The following CHD8 variants were observed in gnomAD, a reference collection of about 807,000 sequenced individuals.
CHD8 encodes ATP-dependent chromatin remodeler CHD8.
In CHD8, 31 loss-of-function variants were observed where a neutral mutation model predicts 279.2. The ratio of observed to expected loss-of-function variants is 0.11; its 90% CI spans 0.08 to 0.15. The LOEUF (loss-of-function observed/expected upper bound fraction) is 0.15. Ranked by LOEUF, CHD8 falls within the 10% of genes least tolerant of loss-of-function variation. The pLI is 1.00. For missense variants in CHD8, 2,146 were observed against 3,230.5 expected, an observed-to-expected ratio of 0.66 and a Z score of 8.14; for synonymous variants, 1,081 against 1,139.6, an observed-to-expected ratio of 0.95 and a Z score of 1.04.
At chr14:21,417,352 G>A (rs912163427) in intron 5 of CHD8, among the ~76,000 whole-genome samples, 2 of 152,080 alleles carry the variant, frequency 1.3e-5, no homozygotes, top group African/African-American at 4.8e-5. Flanking sequence ...AAAACCTAAA[G>A]GCCCATCAAC....
At chr14:21,424,411 T>C (rs1889205444) in intron 5 of CHD8, among the ~76,000 whole-genome samples, 1 of 152,214 alleles carries the variant, frequency 6.6e-6, no homozygotes, top group South Asian at 2.1e-4. Context: ...TTTCATAATA[T>C]ATTCTAAAAT....
At chr14:21,430,508 A>G (rs1262636609) in intron 2 of CHD8, 3 of 306,284 alleles carry the variant, frequency 9.8e-6, no homozygotes, top group East Asian at 5.6e-5. Flanking sequence ...CTCTTGCTTA[A>G]TATCTGTCTT....
chr14:21,402,992 T>C lies in CHD8; in HGVS notation c.3714+25A>G. The C allele has an allele frequency of 1.3e-6, 2 of 1,577,724 alleles. No homozygotes were observed. The highest frequency in any genetic ancestry group is 1.1e-5 in the South Asian group (1 of 89,306). ...AAAATCTCCCAAGTTAGGTAGTTAG[T>C]CCCTAAGACAATGAATTCCTTTACC... On this transcript the variant is annotated intron_variant, in intron 18 of 37. Transcript: ENST00000646647. The surrounding 1 kb of genome is among the most constrained non-coding windows in gnomAD (Gnocchi z 4.5).
chr14:21,399,680 C>G lies in CHD8; in HGVS notation c.4843G>C (p.Val1615Leu). The G allele has an allele frequency of 1.2e-6, 2 of 1,613,330 alleles. No homozygotes were observed. ...ASEIDIWFPV[V>L]DQLEVPTTWW... is the part of the protein sequence containing the mutation. Reference sequence around the variant, plus strand: ...GTTGTTGGAACCTCCAGTTGATCCACTACTGGGAACCATATGTCAATCTCA... The same window carrying G: ...GTTGTTGGAACCTCCAGTTGATCCAGTACTGGGAACCATATGTCAATCTCA... The change falls in exon 26 of 38, where the codon GTG becomes CTG. Residue 1615 changes from valine (V) to leucine (L), a missense_variant. Around this residue, in one of 26 missense-constraint regions of CHD8, gnomAD observed 33 missense variants for 34.8 expected, o/e 0.95. Transcript: ENST00000646647.
chr14:21,430,545 G>A, intron 2 of CHD8: 1 of 426,246 alleles, frequency 2.3e-6, no homozygotes, highest in East Asian at 3.9e-5. Context: ...GCTCTGTAAG[G>A]ACAGGGACTG....
Position 21,415,747 on chromosome 14 carries a change from A to G in CHD8, c.1877T>C (p.Leu626Ser). The change falls in exon 6 of 38, where the codon TTG becomes TCG. Residue 626 changes from leucine (L) to serine (S), a missense_variant. Physicochemically the swap from Leu to Ser is moderately radical, Grantham distance 145. This residue lies in a region of CHD8 where 24 missense variants were observed against 56.7 expected (regional missense o/e 0.42). Coordinates refer to ENST00000646647, the MANE Select transcript of CHD8 (RefSeq NM_001170629.2). ...TACCACAAAGAACTGCATGGAAGGCAAAGTCTCGCCATCTGGTTCTTGCAC... is the reference window on the plus strand; with the variant it reads ...TACCACAAAGAACTGCATGGAAGGCGAAGTCTCGCCATCTGGTTCTTGCAC... ...EPVQEPDGET[L>S]PSMQFFVENP... The G allele has an allele frequency of 1.2e-6, 2 of 1,613,894 alleles. No homozygotes were observed. Among genetic ancestry groups the G allele is most frequent in the Non-Finnish European group, 1.7e-6 (2 of 1,179,816 alleles).
chr14:21,392,812 G>A lies in CHD8; in HGVS notation c.6469-3C>T. 6.2e-7 allele frequency: 1 copy of A among 1,613,138 alleles called. No individual in the cohort carries two copies. The highest frequency in any genetic ancestry group is 8.5e-7 in the Non-Finnish European group (1 of 1,179,342). Reference sequence around the variant, plus strand: ...ATACGGTTTATCAGGACACGATCCTGAATGGGGAAAGAAAGAAATACCATT... The same window carrying A: ...ATACGGTTTATCAGGACACGATCCTAAATGGGGAAAGAAAGAAATACCATT... On this transcript the variant is annotated splice_polypyrimidine_tract_variant and splice_region_variant and intron_variant, in intron 33 of 37. Coordinates refer to ENST00000646647, the MANE Select transcript of CHD8 (RefSeq NM_001170629.2).
At chr14:21,399,179 C>A in intron 26 of CHD8, 1 of 285,916 alleles carries the variant, frequency 3.5e-6, no homozygotes, top group South Asian at 3.5e-5. Context: ...TCTGCCTACT[C>A]ACCCAGAAAT....
intron 26 of CHD8, 44 bp downstream of exon 26, chr14:21,399,558 T>C (rs1887940965): frequency 1.4e-6 from 2 of 1,379,716 alleles, no homozygotes; most frequent in African/African-American, 1.4e-5. Context: ...TCCGTGAACA[T>C]AAATCTTCAG....
In CHD8 at chr14:21,385,800, G is replaced by A; in HGVS notation, c.7559C>T (p.Pro2520Leu). The change falls in exon 38 of 38, where the codon CCA (proline) becomes CTA (leucine). Residue 2520 changes from proline (P) to leucine (L), a missense_variant. By Grantham distance (98) the Pro-to-Leu change is moderately conservative (BLOSUM62 -3). Transcript: ENST00000646647. The stretch of plus-strand genomic sequence containing the variant: ...GGTAGTACCAGAGGCGGTAGTCACT[G>A]GTGAAGAGGGGTAGCCAGGGGCTCT... ...GLRAPGYPSSPVTTASGTTLR... is the reference protein window; with the variant it reads ...GLRAPGYPSSLVTTASGTTLR... The A allele has an allele frequency of 1.3e-6, 2 of 1,550,730 alleles. No homozygotes were observed. The highest frequency in any genetic ancestry group is 1.7e-6 in the Non-Finnish European group (2 of 1,146,756).
In CHD8 at chr14:21,397,925, G is replaced by A. The variant is rs1887859477; in HGVS notation, c.4949C>T (p.Ala1650Val). 7 of 1,610,180 alleles carry A rather than the reference G, an allele frequency of 4.3e-6. No homozygotes were observed. The highest frequency in any genetic ancestry group is 1.3e-5 in the African/African-American group (1 of 74,892). ...TTCTAGGAAACATAAGGCTGGGTCT[G>A]CCCTCATGGTATTATATTTCTCATA... ...HGYEKYNTMR[A>V]DPALCFLEKA... The change falls in exon 27 of 38, where the codon GCA (alanine) becomes GTA (valine). Residue 1650 changes from alanine (A) to valine (V), a missense_variant. Ala to Val is a moderately conservative substitution (Grantham distance 64, BLOSUM62 0). Around this residue, in one of 26 missense-constraint regions of CHD8, gnomAD observed 13 missense variants for 48.7 expected, o/e 0.27. Coordinates refer to ENST00000646647, the MANE Select transcript of CHD8 (RefSeq NM_001170629.2).
intron 1 of CHD8, among the ~76,000 whole-genome samples, chr14:21,453,355 G>A (rs538230377): frequency 6.6e-6 from 1 of 151,942 alleles, no homozygotes; most frequent in East Asian, 1.9e-4. Context: ...AGTGTACAAC[G>A]TCAGTGAATT....
chr14:21,424,229 A>G (rs1309530543), intron 5 of CHD8, among the ~76,000 whole-genome samples: 1 of 152,156 alleles, frequency 6.6e-6, no homozygotes, highest in Non-Finnish European at 1.5e-5. Context: ...CTTTTCCTAA[A>G]TGGTTAGCCA....
chr14:21,405,483 A>G lies in CHD8; in HGVS notation c.3052-19T>C, dbSNP rs1177534983. The G allele has an allele frequency of 1.9e-6, 3 of 1,593,606 alleles. No individual in the cohort carries two copies. Among genetic ancestry groups the G allele is most frequent in the Non-Finnish European group, 2.6e-6 (3 of 1,169,936 alleles). On this transcript the variant is annotated intron_variant, in intron 15 of 37. Coordinates refer to ENST00000646647, the MANE Select transcript of CHD8 (RefSeq NM_001170629.2). The surrounding 1 kb of genome is among the most constrained non-coding windows in gnomAD (Gnocchi z 4.2). ...TTTGAACCTGTGGTCCATTACAGAG[A>G]GAAAAATAAATCAATAAGATGAGGG...
rs1363064989 is a variant in CHD8, at chr14:21,408,807, C to T, written c.2383G>A (p.Ala795Thr). ...TGTGATAGCTCCAATTTCTTCCAGG[C>T]ACTTGCCTGCGGACGATTCTAAAAA... Reference protein sequence around the residue: ...LKRVNRPQASAWKKLELSHEY... With the variant: ...LKRVNRPQASTWKKLELSHEY... The change falls in exon 12 of 38, where the codon GCC becomes ACC. Residue 795 changes from alanine (A) to threonine (T), a missense_variant. Ala to Thr is a moderately conservative substitution (Grantham distance 58, BLOSUM62 0). Around this residue, in one of 26 missense-constraint regions of CHD8, gnomAD observed 211 missense variants for 464.7 expected, o/e 0.45. Transcript: ENST00000646647. The surrounding 1 kb of genome is among the most constrained non-coding windows in gnomAD (Gnocchi z 4.3). 3 of 1,608,500 alleles carry T rather than the reference C, an allele frequency of 1.9e-6. No homozygotes were observed. The highest frequency in any genetic ancestry group is 2.5e-6 in the Non-Finnish European group (3 of 1,177,234).
In CHD8 at chr14:21,392,777, G is replaced by A. The variant is rs1444499237; in HGVS notation, c.6501C>T (p.Val2167=). ...ACTTCCCTGAGAGTACAGCCTGGCA[G>A]ACGAGGTCAATACGGTTTATCAGGA... ...DRVLINRIDL[V]CQAVLSGKWP... The change falls in exon 34 of 38, where the codon GTC becomes GTT. Residue 2167 remains valine, a synonymous_variant. Coordinates refer to ENST00000646647, the MANE Select transcript of CHD8 (RefSeq NM_001170629.2). 2 of 1,613,916 alleles carry A rather than the reference G, an allele frequency of 1.2e-6. No homozygotes were observed. The highest frequency in any genetic ancestry group is 1.7e-6 in the Non-Finnish European group (2 of 1,179,864).
At chr14:21,426,304 C>T in intron 4 of CHD8, 62 bp from the exon 5 acceptor site, 2 of 820,984 alleles carry the variant, frequency 2.4e-6, no homozygotes, top group South Asian at 3.2e-5. Context: ...AGTAAAAAAA[C>T]ATAATTAATC....
chr14:21,416,414 C>T (rs994088494), intron 5 of CHD8: 3 of 152,040 alleles, frequency 2.0e-5, no homozygotes, highest in Admixed American at 2.0e-4. Flanking sequence ...TTTCAAGTGG[C>T]TGAATTAAAC....
intron 1 of CHD8, among the ~76,000 whole-genome samples, chr14:21,439,730 CA>C (rs1284807462): frequency 6.6e-6 from 1 of 152,166 alleles, no homozygotes; most frequent in Non-Finnish European, 1.5e-5. Flanking sequence ...CAAAGGCTCC[CA>C]ATTACTTAAG....
Sources: allele counts gnomAD v4.1 joint callset (sites outside exome capture counted in the v4.1 genomes callset), GRCh38; gene constraint gnomAD v4.1.1; regional missense constraint gnomAD v4.1.1; non-coding constraint Gnocchi (gnomAD v3.1); transcripts MANE v1.5; gene names NCBI Gene and HGNC (gene_info 2026-07-23, HGNC 2026-07-21).